SUDS3: variants seen among roughly 807,000 people sequenced by gnomAD.
SUDS3 encodes sin3 histone deacetylase corepressor complex component SDS3.
Under a neutral mutation model 53.5 loss-of-function variants are expected in SUDS3, and 23 were observed. The observed-to-expected ratio is 0.43, with a 90% CI of 0.31 to 0.61. The LOEUF is 0.61. Among genes scored for constraint, SUDS3 ranks in the 20% least tolerant of loss-of-function variants. The pLI is 0.10. For missense variants in SUDS3, 291 were observed against 405.9 expected (o/e 0.72, Z 2.43); for synonymous variants, 150 against 148.5 (o/e 1.01, Z -0.08).
chr12:118,376,890 G>A, intron 1 of SUDS3, 57 bp downstream of exon 1: 2 of 1,447,718 alleles, frequency 1.4e-6, no homozygotes, highest in East Asian at 2.8e-5. Context: ...CTGGGGGAGG[G>A]GGTGGGGCTG....
chr12:118,385,140 G>A (rs961515622), intron 3 of SUDS3, among the ~76,000 whole-genome samples: 12 of 150,766 alleles, frequency 8.0e-5, no homozygotes, highest in African/African-American at 2.7e-4. Context: ...GCTGAGTTCC[G>A]CTTTTGTCAC....
At chr12:118,380,264 A>G (rs773211105) in intron 2 of SUDS3, 33 bp downstream of exon 2, 1 of 1,552,092 alleles carries the variant, frequency 6.4e-7, no homozygotes, top group Non-Finnish European at 8.8e-7. Context: ...TTTTTGGAAC[A>G]TAGAATTGAC....
chr12:118,380,188 C>T lies in SUDS3; in HGVS notation c.169C>T (p.Leu57=), dbSNP rs1362202212. The change falls in exon 2 of 12, where the codon CTG becomes TTG. Residue 57 remains leucine, a synonymous_variant. Transcript: ENST00000543473. The stretch of plus-strand genomic sequence containing the variant: ...CACTGAGGATGCTAGTGAAACTGAC[C>T]TGGCAAAGCATGATGAAGAAGACTA... ...EDTEDASETD[L]AKHDEEDYVE... The T allele has an allele frequency of 1.2e-6, 2 of 1,609,254 alleles. No individual in the cohort carries two copies. Among genetic ancestry groups the T allele is most frequent in the Non-Finnish European group, 1.7e-6 (2 of 1,177,826 alleles).
Position 118,415,542 on chromosome 12 carries a change from A to G in SUDS3, c.*1109A>G, listed in dbSNP as rs2046392825. 6.6e-6 allele frequency: 1 copy of G among 151,994 alleles called. No individual in the cohort carries two copies. The highest frequency in any genetic ancestry group is 1.5e-5 in the Non-Finnish European group (1 of 68,004). The allele number at this position is 151,994 out of a possible 1,614,324, so 9.4% of individuals were successfully genotyped here. Reference sequence around the variant, plus strand: ...GTCCTGATGAAACAGCCTTTCCTACATCCTTCCCTCACTCCCATGATTGGA... The same window carrying G: ...GTCCTGATGAAACAGCCTTTCCTACGTCCTTCCCTCACTCCCATGATTGGA... On this transcript the variant is annotated 3_prime_UTR_variant, in exon 12 of 12. Coordinates refer to ENST00000543473, the MANE Select transcript of SUDS3 (RefSeq NM_022491.3).
intron 3 of SUDS3, among the ~76,000 whole-genome samples, chr12:118,384,885 A>G (rs1792251144): frequency 6.6e-6 from 1 of 151,674 alleles, no homozygotes; most frequent in South Asian, 2.1e-4. Flanking sequence ...TTGGAATCCC[A>G]GTTTCCCTGC....
chr12:118,390,835 A>T (rs1017632929), intron 5 of SUDS3, among the ~76,000 whole-genome samples: 1 of 152,350 alleles, frequency 6.6e-6, no homozygotes, highest in South Asian at 2.1e-4. Context: ...CTGTAACTTT[A>T]TGAGCGATTA....
chr12:118,378,910 G>T (rs191868597), intron 1 of SUDS3, among the ~76,000 whole-genome samples: 1 of 151,908 alleles, frequency 6.6e-6, no homozygotes, highest in Admixed American at 6.6e-5. Context: ...CCCGACCTCA[G>T]GTGATCCACC....
At position 118,414,682 on chromosome 12, in the gene SUDS3, G is replaced by A. The variant is rs2046385296; in HGVS notation, c.*249G>A. The A allele has an allele frequency of 2.7e-6, 1 of 372,860 alleles. No individual in the cohort carries two copies. The highest frequency in any genetic ancestry group is 8.8e-5 in the South Asian group (1 of 11,354). 23.1% of individuals were successfully genotyped at this position (372,860 alleles called of 1,614,324 possible). A position where few individuals can be genotyped will look rare whatever the true frequency, so the allele number is the denominator to read the frequency against. On this transcript the variant is annotated 3_prime_UTR_variant, in exon 12 of 12. Transcript: ENST00000543473. ...AGACTGTTTTACTTTCAGGCGTATT[G>A]GGGGGTTTGATTTACTTTCCTTTTA...
intron 10 of SUDS3, chr12:118,404,450 C>T (rs865872945): frequency 3.9e-5 from 6 of 152,128 alleles, no homozygotes; most frequent in African/African-American, 7.2e-5. Flanking sequence ...ACGTTCAGAC[C>T]GCCTAGCATT....
In SUDS3 at chr12:118,414,568, G is replaced by A; in HGVS notation, c.*135G>A. On this transcript the variant is annotated 3_prime_UTR_variant, in exon 12 of 12. Transcript: ENST00000543473. ...AGCCTTGGAAATGGAGAGCACTGCA[G>A]TGAATTCTTTAGGGCACTTTTGTGG... 1 of 700,940 alleles carries A rather than the reference G, an allele frequency of 1.4e-6. No homozygotes were observed. 43.4% of individuals were successfully genotyped at this position (700,940 alleles called of 1,614,324 possible). A position where few individuals can be genotyped will look rare whatever the true frequency, so the allele number is the denominator to read the frequency against.
intron 6 of SUDS3, among the ~76,000 whole-genome samples, chr12:118,395,472 C>G (rs2046206746): frequency 6.6e-6 from 1 of 151,376 alleles, no homozygotes; most frequent in South Asian, 2.1e-4. Flanking sequence ...GTGATCTGCC[C>G]TCCTCAGCCT....
chr12:118,406,946 G>C (rs2046313763), intron 10 of SUDS3, among the ~76,000 whole-genome samples: 2 of 151,092 alleles, frequency 1.3e-5, no homozygotes, highest in South Asian at 4.2e-4. Flanking sequence ...CCCCAGGCTG[G>C]CATGCAGTGG....
intron 2 of SUDS3, among the ~76,000 whole-genome samples, chr12:118,381,211 AT>A (rs569289273): frequency 0.12 from 17,371 of 147,090 alleles, 1,250 homozygotes; most frequent in Middle Eastern, 0.2. Flanking sequence ...TATTTGTTTA[AT>A]TTTTTTTTTT....
At position 118,376,586 on chromosome 12, in the gene SUDS3, G is replaced by T. The variant is rs1306678485; in HGVS notation, c.-106G>T. 8.1e-7 allele frequency: 1 copy of T among 1,240,772 alleles called. No homozygotes were observed. The highest frequency in any genetic ancestry group is 1.0e-6 in the Non-Finnish European group (1 of 987,418). The allele number at this position is 1,240,772 out of a possible 1,614,324, so 76.9% of individuals were successfully genotyped here. A position where few individuals can be genotyped will look rare whatever the true frequency, so the allele number is the denominator to read the frequency against. On this transcript the variant is annotated 5_prime_UTR_variant, in exon 1 of 12. Coordinates refer to ENST00000543473, the MANE Select transcript of SUDS3 (RefSeq NM_022491.3). Reference sequence around the variant, plus strand: ...GGGGAAGGGGTCGCCGTGGCTGCCGGTCCTCGAGTTGGGGGCTGCCGCGGA... The same window carrying T: ...GGGGAAGGGGTCGCCGTGGCTGCCGTTCCTCGAGTTGGGGGCTGCCGCGGA...
chr12:118,406,026 A>G (rs1244277627), intron 10 of SUDS3, among the ~76,000 whole-genome samples: 2 of 152,132 alleles, frequency 1.3e-5, no homozygotes, highest in African/African-American at 2.4e-5. Context: ...GCTCCCTTTC[A>G]TTTTGAAAGA....
rs2046354379 is a variant in SUDS3, at chr12:118,410,966, ACTT to A, written c.804-103_804-101del. On this transcript the variant is annotated intron_variant, in intron 10 of 11. Transcript: ENST00000543473. ...TATTCCTCAAATGTGAATTATTAAG[ACTT>A]CTTTAATTATAATTTTTGTTGTGAT... is the stretch of plus-strand genomic sequence containing the variant. 4.5e-6 allele frequency: 4 copies of A among 888,798 alleles called. No homozygotes were observed. The South Asian group carries it at 5.8e-5, about 13-fold the overall frequency. The allele number at this position is 888,798 out of a possible 1,614,324, so 55.1% of individuals were successfully genotyped here.
At chr12:118,383,194 A>C (rs2046083422) in intron 2 of SUDS3, among the ~76,000 whole-genome samples, 1 of 152,224 alleles carries the variant, frequency 6.6e-6, no homozygotes. Flanking sequence ...TCAGCAGCAC[A>C]TATACCAAAA....
At chr12:118,393,463 C>T (rs2046186125) in intron 6 of SUDS3, among the ~76,000 whole-genome samples, 1 of 152,138 alleles carries the variant, frequency 6.6e-6, no homozygotes, top group Non-Finnish European at 1.5e-5. Context: ...GCAGGATGTA[C>T]TGTTCACCGC....
chr12:118,396,309 G>T (rs189926382), intron 6 of SUDS3, among the ~76,000 whole-genome samples: 1 of 152,208 alleles, frequency 6.6e-6, no homozygotes, highest in Middle Eastern at 3.2e-3. Flanking sequence ...AGGTTGGAGT[G>T]CAGTGGCACG....
Sources: allele counts gnomAD v4.1 joint callset (sites outside exome capture counted in the v4.1 genomes callset), GRCh38; gene constraint gnomAD v4.1.1; transcripts MANE v1.5; gene names NCBI Gene and HGNC (gene_info 2026-07-23, HGNC 2026-07-21).